The following ITGB1 variants were observed in gnomAD, a reference collection of about 807,000 sequenced individuals.
The protein encoded by ITGB1 is integrin subunit beta 1.
In ITGB1, 24 loss-of-function variants were observed where a neutral mutation model predicts 86.5. That is an observed-to-expected ratio of 0.28 (90% confidence interval 0.20 to 0.39). The LOEUF is 0.39. Ranked by LOEUF, ITGB1 falls within the 10% of genes least tolerant of loss-of-function variation. The pLI, the probability that ITGB1 is intolerant of heterozygous loss-of-function variation, is 1.00. For synonymous variants in ITGB1, 323 were observed against 316.8 expected (o/e 1.02, Z -0.21); for missense variants, 556 against 946.9 (o/e 0.59, Z 5.42).
chr10:32,921,384 C>G (rs1469386546), intron 9 of ITGB1, among the ~76,000 whole-genome samples: 1 of 152,104 alleles, frequency 6.6e-6, no homozygotes, highest in East Asian at 1.9e-4. Flanking sequence ...AAAACCCCTC[C>G]AAGTCAGGCC....
At chr10:32,933,041 C>T (rs958138690) in intron 2 of ITGB1, among the ~76,000 whole-genome samples, 2 of 152,028 alleles carry the variant, frequency 1.3e-5, no homozygotes, top group South Asian at 2.1e-4. Context: ...TTAACACTCC[C>T]GACTTCCTCC....
intron 1 of ITGB1, among the ~76,000 whole-genome samples, chr10:32,949,089 C>G (rs547623808): frequency 7.9e-5 from 12 of 151,778 alleles, no homozygotes; most frequent in African/African-American, 2.4e-4. Flanking sequence ...AAAGTTATTT[C>G]ATTTAGAACT....
Position 32,928,272 on chromosome 10 carries a change from G to A in ITGB1, c.377-8C>T. The A allele has an allele frequency of 1.2e-6, 1 of 836,126 alleles. No individual in the cohort carries two copies. The highest frequency in any genetic ancestry group is 2.0e-6 in the Non-Finnish European group (1 of 491,030). The allele number at this position is 836,126 out of a possible 1,614,324, so 51.8% of individuals were successfully genotyped here. On this transcript the variant is annotated splice_polypyrimidine_tract_variant and splice_region_variant and intron_variant, in intron 4 of 15. Transcript: ENST00000302278. ...TAAATGTCTGTGGCTCCCCTAATTA[G>A]ACAAGAGATTAGAAAATGAAACTTG...
intron 1 of ITGB1, among the ~76,000 whole-genome samples, chr10:32,941,205 T>C (rs1188672438): frequency 1.3e-5 from 2 of 152,198 alleles, no homozygotes; most frequent in East Asian, 1.9e-4. Flanking sequence ...AGGCGAATTA[T>C]AATAACTCCT....
intron 1 of ITGB1, chr10:32,945,096 C>A (rs1210016895): frequency 1.7e-5 from 7 of 414,506 alleles, no homozygotes; most frequent in Admixed American, 6.9e-5. Flanking sequence ...TGTATGAATT[C>A]TTTGAAAGTT....
At chr10:32,942,302 G>A (rs139589337) in intron 1 of ITGB1, among the ~76,000 whole-genome samples, 1 of 152,210 alleles carries the variant, frequency 6.6e-6, no homozygotes, top group East Asian at 1.9e-4. Flanking sequence ...GAAATAGGAA[G>A]AACTCCTAGG....
intron 1 of ITGB1, among the ~76,000 whole-genome samples, chr10:32,943,116 T>C (rs1466155615): frequency 2.0e-5 from 3 of 152,250 alleles, no homozygotes; most frequent in Non-Finnish European, 4.4e-5. Context: ...TTACTTAATG[T>C]GCAGAACTTC....
chr10:32,944,468 C>A, intron 1 of ITGB1: 1 of 360,732 alleles, frequency 2.8e-6, no homozygotes, highest in South Asian at 2.3e-5. Context: ...TGTCGCGCGT[C>A]ACCAAACACT....
intron 1 of ITGB1, among the ~76,000 whole-genome samples, chr10:32,945,170 C>T (rs1457530106): frequency 6.6e-6 from 1 of 152,110 alleles, no homozygotes; most frequent in Non-Finnish European, 1.5e-5. Context: ...GAGTCAGATA[C>T]TAAGATTAAT....
At chr10:32,916,820 T>C (rs932708269) in intron 11 of ITGB1, among the ~76,000 whole-genome samples, 1 of 152,184 alleles carries the variant, frequency 6.6e-6, no homozygotes, top group Non-Finnish European at 1.5e-5. Context: ...ATGACTTTCT[T>C]CATAGAATTG....
rs556344229 is a variant in ITGB1 at position 32,935,316 on chromosome 10, T to C, written c.67+176A>G. On this transcript the variant is annotated intron_variant, in intron 2 of 15. Transcript: ENST00000302278. ...CTCCCATCATCCCAGGTGGCAGGGG[T>C]GAGGGGAGCCTGACCATGAAGGAAC... Among the ~76,000 whole-genome samples, 5 of 152,172 alleles carry C rather than the reference T, an allele frequency of 3.3e-5. No individual in the cohort carries two copies. In the East Asian group the frequency reaches 9.7e-4, roughly 29 times the overall value.
rs1458060926 is a variant in ITGB1, at chr10:32,922,315, A to G, written c.1070T>C (p.Val357Ala). Residue 357 changes from valine to alanine, a missense_variant, in exon 9 of 16, where the codon GTA (valine) becomes GCA (alanine). Val to Ala is a moderately conservative substitution (Grantham distance 64). Transcript: ENST00000302278. Reference protein sequence around the residue: ...ELKNLIPKSAVGTLSANSSNV... With the variant: ...ELKNLIPKSAAGTLSANSSNV... ...GCTAGAATTTGCAGATAATGTTCCTACTGCTGACTTAGGGATCAAGTTTTT... is the reference window on the plus strand; with the variant it reads ...GCTAGAATTTGCAGATAATGTTCCTGCTGCTGACTTAGGGATCAAGTTTTT... 1 of 1,609,904 alleles carries G rather than the reference A, an allele frequency of 6.2e-7. No homozygotes were observed. Among genetic ancestry groups the G allele is most frequent in the Admixed American group, 1.7e-5 (1 of 59,318 alleles).
intron 4 of ITGB1, 49 bp downstream of exon 4, chr10:32,929,773 G>T: frequency 9.4e-7 from 1 of 1,062,734 alleles, no homozygotes; most frequent in South Asian, 1.3e-5. Flanking sequence ...AGCTGGTGTC[G>T]AATGCCTCAA....
chr10:32,944,775 A>T, intron 1 of ITGB1: 1 of 737,878 alleles, frequency 1.4e-6, no homozygotes, highest in Non-Finnish European at 2.5e-6. Context: ...CGCTAGATTC[A>T]TCCTGCCAGT....
chr10:32,928,488 A>G (rs370899688), intron 4 of ITGB1, among the ~76,000 whole-genome samples: 1 of 152,364 alleles, frequency 6.6e-6, no homozygotes, highest in African/African-American at 2.4e-5. Context: ...AAAGATAAAA[A>G]AGATATTCCC....
At chr10:32,908,566 C>A in intron 14 of ITGB1, 32 bp from the exon 15 acceptor site, 1 of 1,596,182 alleles carries the variant, frequency 6.3e-7, no homozygotes. Context: ...ATGAGCACCA[C>A]AAAGAGCTGT....
chr10:32,912,852 C>G (rs1361018452), intron 11 of ITGB1, among the ~76,000 whole-genome samples: 1 of 152,200 alleles, frequency 6.6e-6, no homozygotes. Flanking sequence ...TGAGAATGGA[C>G]AGACTGCCTC....
At position 32,932,483 on chromosome 10, in the gene ITGB1, C is replaced by A. The variant is rs202040586; in HGVS notation, c.153+32G>T. ...TGAGCCACACTAAATGACCAGAGAACAAATGGAAAGGACTTGAGCAACCTT... is the reference window on the plus strand; with the variant it reads ...TGAGCCACACTAAATGACCAGAGAAAAAATGGAAAGGACTTGAGCAACCTT... On this transcript the variant is annotated intron_variant, in intron 3 of 15. Coordinates refer to ENST00000302278, the MANE Select transcript of ITGB1 (RefSeq NM_002211.4). 7.9e-4 allele frequency: 1,005 copies of A among 1,273,848 alleles called. 4 individuals are homozygous for A. Among genetic ancestry groups the A allele is most frequent in the Admixed American group, 1.7e-3 (103 of 59,458 alleles). The allele number at this position is 1,273,848 out of a possible 1,614,324, so 78.9% of individuals were successfully genotyped here.
chr10:32,915,938 C>T (rs2094930122), intron 11 of ITGB1, among the ~76,000 whole-genome samples: 1 of 152,110 alleles, frequency 6.6e-6, no homozygotes, highest in African/African-American at 2.4e-5. Flanking sequence ...AAACCAAATC[C>T]AGCAGCACAT....
Sources: gnomAD v4.1 joint callset for allele counts (sites outside exome capture counted in the v4.1 genomes callset) on GRCh38, gnomAD v4.1.1 for gene constraint, MANE v1.5 for transcripts, NCBI Gene and HGNC (gene_info 2026-07-23, HGNC 2026-07-21) for gene names.